Variants in KLHL1 observed in about 807,000 individuals in gnomAD.
KLHL1 encodes kelch like family member 1.
KLHL1 carries 47 observed loss-of-function variants against 77.7 expected under a neutral mutation model. That is an observed-to-expected ratio of 0.60 (90% CI 0.48 to 0.77). KLHL1 has a LOEUF of 0.77. KLHL1 is among the 30% of genes least tolerant of loss of function. The pLI is 0.00. For synonymous variants in KLHL1, 360 were observed against 325.2 expected (o/e 1.11, Z -1.15); for missense variants, 925 against 910.8 (o/e 1.02, Z -0.20).
At chr13:69,734,758 T>C (rs561188004) in intron 8 of KLHL1, among the ~76,000 whole-genome samples, 108 of 152,244 alleles carry the variant, frequency 7.1e-4, no homozygotes, top group Non-Finnish European at 1.4e-3. Context: ...GATATGTGAC[T>C]GCCATCTGTT....
At chr13:69,963,032 T>C (rs1272598730) in intron 2 of KLHL1, among the ~76,000 whole-genome samples, 1 of 152,166 alleles carries the variant, frequency 6.6e-6, no homozygotes, top group Non-Finnish European at 1.5e-5. Flanking sequence ...TCACTTTACT[T>C]AGAGCCTAAC....
chr13:70,058,886 G>A (rs886320652), intron 1 of KLHL1, among the ~76,000 whole-genome samples: 2 of 152,076 alleles, frequency 1.3e-5, no homozygotes, highest in Non-Finnish European at 2.9e-5. Flanking sequence ...GGACAGAATA[G>A]AGAACCCAGA....
In KLHL1 at chr13:69,707,665, G is replaced by A. The variant is rs759682190; in HGVS notation, c.2147C>T (p.Thr716Ile). The A allele has an allele frequency of 6.2e-7, 1 of 1,612,430 alleles. No individual in the cohort carries two copies. The highest frequency in any genetic ancestry group is 8.5e-7 in the Non-Finnish European group (1 of 1,178,998). ...GGYDGQTYLN[T>I]MESYDPQTNE... Reference sequence around the variant, plus strand: ...AGTTTGTGGGTCATAGGATTCCATAGTGTTGAGGTATGTCTGTCCATCATA... The same window carrying A: ...AGTTTGTGGGTCATAGGATTCCATAATGTTGAGGTATGTCTGTCCATCATA... Residue 716 changes from threonine (T) to isoleucine (I), a missense_variant, in exon 10 of 11, where the codon ACT becomes ATT. Physicochemically the swap from Thr to Ile is moderately conservative, Grantham distance 89 (BLOSUM62 -1). Transcript: ENST00000377844.
intron 6 of KLHL1, among the ~76,000 whole-genome samples, chr13:69,832,493 G>A (rs1878800305): frequency 6.7e-6 from 1 of 149,644 alleles, no homozygotes; most frequent in African/African-American, 2.5e-5. Flanking sequence ...TTCATGGATG[G>A]GTAGAATCAT....
At chr13:69,984,056 A>G (rs1311256452) in intron 1 of KLHL1, among the ~76,000 whole-genome samples, 5 of 152,172 alleles carry the variant, frequency 3.3e-5, no homozygotes, top group Non-Finnish European at 5.9e-5. Flanking sequence ...AAATTATTAG[A>G]GGTAAACATA....
At chr13:70,000,701 C>G (rs1472050224) in intron 1 of KLHL1, among the ~76,000 whole-genome samples, 1 of 151,408 alleles carries the variant, frequency 6.6e-6, no homozygotes, top group Non-Finnish European at 1.5e-5. Context: ...ATTACTGAAC[C>G]TAGAAGTCAC....
At chr13:69,804,979 A>G (rs945852922) in intron 6 of KLHL1, among the ~76,000 whole-genome samples, 5 of 152,126 alleles carry the variant, frequency 3.3e-5, no homozygotes, top group African/African-American at 1.2e-4. Flanking sequence ...TCAATGTTTT[A>G]TAGTGTAAGC....
At chr13:69,855,862 ATATTATATAT>A (rs1282391493) in intron 5 of KLHL1, among the ~76,000 whole-genome samples, 1 of 96,816 alleles carries the variant, frequency 1.0e-5, no homozygotes, top group East Asian at 3.5e-4. Flanking sequence ...GTTATATAAT[ATATTATATAT>A]TATATATGTT....
At chr13:70,049,395 T>C (rs1347068222) in intron 1 of KLHL1, among the ~76,000 whole-genome samples, 1 of 152,210 alleles carries the variant, frequency 6.6e-6, no homozygotes, top group African/African-American at 2.4e-5. Context: ...AGTAACACTT[T>C]ATGAGATTTC....
chr13:69,772,692 A>G (rs138764489), intron 7 of KLHL1, among the ~76,000 whole-genome samples: 16 of 152,300 alleles, frequency 1.1e-4, no homozygotes, highest in African/African-American at 3.8e-4. Flanking sequence ...TGTGTAAAGT[A>G]TCTTGCAGGT....
intron 3 of KLHL1, among the ~76,000 whole-genome samples, chr13:69,951,004 T>C (rs1883690573): frequency 6.6e-6 from 1 of 151,620 alleles, no homozygotes; most frequent in Non-Finnish European, 1.5e-5. Flanking sequence ...GAAATATTTG[T>C]CTCAGATTTT....
chr13:70,107,552 C>T lies in KLHL1; in HGVS notation c.148G>A (p.Gly50Arg). ...TTGAGCAGGCGACTCTGGCTGGGTC[C>T]CCAGTGCTCAAAGCTGCCACTGCCG... ...QDGSGSFEHW[G>R]PSQSRLLKSQ... Residue 50 changes from glycine (G) to arginine (R), a missense_variant, in exon 1 of 11, where the codon GGA becomes AGA. By Grantham distance (125) the Gly-to-Arg change is moderately radical. Transcript: ENST00000377844. 1.2e-6 allele frequency: 2 copies of T among 1,608,830 alleles called. No homozygotes were observed. The highest frequency in any genetic ancestry group is 1.7e-6 in the Non-Finnish European group (2 of 1,177,148).
In KLHL1 at chr13:70,107,239, T is replaced by C; in HGVS notation, c.461A>G (p.Asn154Ser). Reference protein sequence around the residue: ...VLQELKVEPDNSSQATGEGCG... With the variant: ...VLQELKVEPDSSSQATGEGCG... ...TCCTTCACCTGTTGCCTGGCTAGAGTTGTCTGGCTCCACTTTGAGCTCTTG... is the reference window on the plus strand; with the variant it reads ...TCCTTCACCTGTTGCCTGGCTAGAGCTGTCTGGCTCCACTTTGAGCTCTTG... Residue 154 changes from asparagine to serine, a missense_variant, in exon 1 of 11, where the codon AAC (asparagine) becomes AGC (serine). Coordinates refer to ENST00000377844, the MANE Select transcript of KLHL1 (RefSeq NM_020866.3). 6.2e-7 allele frequency: 1 copy of C among 1,613,552 alleles called. No homozygotes were observed. The highest frequency in any genetic ancestry group is 8.5e-7 in the Non-Finnish European group (1 of 1,179,742).
At position 69,980,706 on chromosome 13, in the gene KLHL1, G is replaced by A. The variant is rs117003969; in HGVS notation, c.498-4904C>T. Reference sequence around the variant, plus strand: ...TTTTACTTTAAAAAATAGATTCAGGGGATAGATGTGCATTTGTTACATGAG... The same window carrying A: ...TTTTACTTTAAAAAATAGATTCAGGAGATAGATGTGCATTTGTTACATGAG... On this transcript the variant is annotated intron_variant, in intron 1 of 10. Coordinates refer to ENST00000377844, the MANE Select transcript of KLHL1 (RefSeq NM_020866.3). Among the ~76,000 whole-genome samples the A allele has an allele frequency of 4.6e-3, 693 of 151,954 alleles. 3 individuals carry two copies. The highest frequency in any genetic ancestry group is 0.014 in the Middle Eastern group (4 of 294).
intron 3 of KLHL1, among the ~76,000 whole-genome samples, chr13:69,954,684 G>T (rs1001821350): frequency 1.3e-5 from 2 of 151,158 alleles, no homozygotes; most frequent in Non-Finnish European, 3.0e-5. Flanking sequence ...CCAAAACACT[G>T]TTCAATAACA....
At chr13:70,067,856 G>A (rs1887047008) in intron 1 of KLHL1, among the ~76,000 whole-genome samples, 1 of 151,938 alleles carries the variant, frequency 6.6e-6, no homozygotes, top group Non-Finnish European at 1.5e-5. Flanking sequence ...GACAACCAGT[G>A]GAGCAAAATT....
chr13:69,814,180 C>T (rs1399098982), intron 6 of KLHL1, among the ~76,000 whole-genome samples: 1 of 152,088 alleles, frequency 6.6e-6, no homozygotes, highest in African/African-American at 2.4e-5. Flanking sequence ...TTCGGGAACA[C>T]AGGCTTACCA....
At chr13:69,739,635 A>T (rs1291398216) in intron 8 of KLHL1, among the ~76,000 whole-genome samples, 3 of 152,236 alleles carry the variant, frequency 2.0e-5, no homozygotes, top group East Asian at 1.9e-4. Flanking sequence ...ATCAACAAAG[A>T]TCATAAAAGA....
intron 6 of KLHL1, among the ~76,000 whole-genome samples, chr13:69,802,564 G>A (rs145974845): frequency 0.023 from 3,521 of 152,104 alleles, 133 homozygotes; most frequent in African/African-American, 0.081. Context: ...GTTAAAGATC[G>A]ACCCCTGACC....
Sources: gnomAD v4.1 joint callset for allele counts (sites outside exome capture counted in the v4.1 genomes callset) on GRCh38, gnomAD v4.1.1 for gene constraint, MANE v1.5 for transcripts, NCBI Gene and HGNC (gene_info 2026-07-23, HGNC 2026-07-21) for gene names.